The following QTMAN variants were observed in gnomAD, a reference collection of about 807,000 sequenced individuals.
QTMAN encodes queuosine-tRNA mannosyltransferase, also known as tRNA-queuosine alpha-mannosyltransferase.
chr2:144,138,246 C>T, the QTMAN span, among the ~76,000 whole-genome samples: 1 of 151,928 alleles, frequency 6.6e-6, no homozygotes, highest in African/African-American at 2.4e-5. Context: ...TACGAACTGA[C>T]CACAGGATTT....
the QTMAN span, among the ~76,000 whole-genome samples, chr2:144,040,081 T>G: frequency 2.0e-5 from 3 of 152,186 alleles, no homozygotes; most frequent in Non-Finnish European, 4.4e-5. Flanking sequence ...TTTGCTTCCA[T>G]TGACTGTCTT....
At chr2:144,192,471 C>T in the QTMAN span, among the ~76,000 whole-genome samples, 1 of 151,986 alleles carries the variant, frequency 6.6e-6, no homozygotes, top group African/African-American at 2.4e-5. Context: ...TAGGGAGGTC[C>T]AATGAGCAGG....
chr2:144,093,240 T>C, the QTMAN span, among the ~76,000 whole-genome samples: 2 of 152,138 alleles, frequency 1.3e-5, no homozygotes. Context: ...ATGCATACAA[T>C]CAAGAGCAGC....
chr2:144,254,859 G>A, the QTMAN span, among the ~76,000 whole-genome samples: 1 of 152,222 alleles, frequency 6.6e-6, no homozygotes, highest in Non-Finnish European at 1.5e-5. Context: ...GAGTCAAAGA[G>A]AATCATTTTG....
chr2:144,106,752 G>A, the QTMAN span, among the ~76,000 whole-genome samples: 2 of 152,066 alleles, frequency 1.3e-5, no homozygotes, highest in African/African-American at 2.4e-5. Flanking sequence ...TGCACCAAGT[G>A]GACCTAATAG....
chr2:144,054,669 A>G, the QTMAN span, among the ~76,000 whole-genome samples: 2 of 152,162 alleles, frequency 1.3e-5, no homozygotes, highest in African/African-American at 4.8e-5. Context: ...TGGGGCTGAC[A>G]TAGCCTTTGA....
At chr2:144,143,324 G>C in the QTMAN span, among the ~76,000 whole-genome samples, 14 of 152,022 alleles carry the variant, frequency 9.2e-5, no homozygotes, top group Non-Finnish European at 1.8e-4. Context: ...CAATACTACT[G>C]GAAAGAAGAC....
the QTMAN span, among the ~76,000 whole-genome samples, chr2:144,200,224 T>C: frequency 3.3e-5 from 5 of 152,160 alleles, no homozygotes; most frequent in South Asian, 6.2e-4. Context: ...TCTAAAAGCA[T>C]TAATTTAAAA....
At chr2:144,287,357 C>G in the QTMAN span, among the ~76,000 whole-genome samples, 1 of 151,786 alleles carries the variant, frequency 6.6e-6, no homozygotes, top group African/African-American at 2.4e-5. Flanking sequence ...ATGGCGTGAA[C>G]CCGGGAGGCA....
the QTMAN span, among the ~76,000 whole-genome samples, chr2:144,079,126 A>G: frequency 6.6e-6 from 1 of 152,156 alleles, no homozygotes; most frequent in South Asian, 2.1e-4. Context: ...CCCCCTTATC[A>G]AACAATTTAT....
the QTMAN span, among the ~76,000 whole-genome samples, chr2:144,024,684 C>T: frequency 3.9e-5 from 6 of 152,246 alleles, no homozygotes; most frequent in East Asian, 1.2e-3. Flanking sequence ...TGAAGACCTG[C>T]TATGCAGTAT....
At chr2:143,952,746 A>C in the QTMAN span, 1 of 1,392,580 alleles carries the variant, frequency 7.2e-7, no homozygotes, top group East Asian at 2.3e-5. Flanking sequence ...AATCTCAATA[A>C]AGATGAATGT....
At chr2:144,074,064 A>G in the QTMAN span, among the ~76,000 whole-genome samples, 1 of 152,182 alleles carries the variant, frequency 6.6e-6, no homozygotes, top group Admixed American at 6.5e-5. Context: ...TAAAGAGAAC[A>G]TGCTCCTATT....
the QTMAN span, among the ~76,000 whole-genome samples, chr2:144,101,394 TCACACACA>T: frequency 1.7e-3 from 262 of 150,234 alleles, 2 homozygotes; most frequent in Non-Finnish European, 3.1e-3. Flanking sequence ...TATCTCTCTC[TCACACACA>T]CACACACACA....
At chr2:144,086,340 T>A in the QTMAN span, among the ~76,000 whole-genome samples, 3 of 152,120 alleles carry the variant, frequency 2.0e-5, no homozygotes, top group Non-Finnish European at 4.4e-5. Flanking sequence ...TGAGATAGGG[T>A]CTCGCTGTGT....
At chr2:144,121,592 G>A in the QTMAN span, among the ~76,000 whole-genome samples, 4 of 152,182 alleles carry the variant, frequency 2.6e-5, no homozygotes, top group African/African-American at 9.7e-5. Context: ...ATGAAGAAGG[G>A]AGGCACTGTG....
chr2:144,007,416 A>G, the QTMAN span: 1 of 1,613,324 alleles, frequency 6.2e-7, no homozygotes, highest in Non-Finnish European at 8.5e-7. Flanking sequence ...ATTCTTCAAT[A>G]AATCCTCTGA....
the QTMAN span, chr2:143,943,271 TTGTC>T: frequency 5.9e-5 from 9 of 152,238 alleles, no homozygotes; most frequent in Non-Finnish European, 1.0e-4. Flanking sequence ...GGAGCATTAG[TTGTC>T]TGTATCACAA....
the QTMAN span, among the ~76,000 whole-genome samples, chr2:144,112,880 G>A: frequency 6.6e-6 from 1 of 152,034 alleles, no homozygotes; most frequent in Admixed American, 6.6e-5. Context: ...CCTTGACTCT[G>A]GTCAGTAAAG....
Sources: allele counts gnomAD v4.1 joint callset (sites outside exome capture counted in the v4.1 genomes callset), GRCh38; gene constraint gnomAD v4.1.1; transcripts MANE v1.5; gene names NCBI Gene and HGNC (gene_info 2026-07-23, HGNC 2026-07-21).